The following SHROOM3 variants were observed in gnomAD, a reference collection of about 807,000 sequenced individuals.
SHROOM3 encodes the protein shroom family member 3.
A neutral mutation model predicts 138.6 loss-of-function variants in SHROOM3; 47 were observed. The observed-to-expected ratio is 0.34, with a 90% CI of 0.27 to 0.43. SHROOM3 has a LOEUF of 0.43. Ranked by LOEUF, SHROOM3 falls within the 20% of genes least tolerant of loss-of-function variation. SHROOM3 has a pLI of 1.00. For synonymous variants in SHROOM3, 1,062 were observed against 1,063.3 expected (o/e 1.00, Z 0.02); for missense variants, 2,491 against 2,596.5 (o/e 0.96, Z 0.88).
intron 2 of SHROOM3, among the ~76,000 whole-genome samples, chr4:76,596,273 G>A (rs1431516523): frequency 1.3e-5 from 2 of 152,172 alleles, no homozygotes; most frequent in African/African-American, 4.8e-5. Context: ...AGAGCCAGGT[G>A]TGGTGGCTTG....
At chr4:76,592,048 G>A (rs976666905) in intron 2 of SHROOM3, among the ~76,000 whole-genome samples, 1 of 152,136 alleles carries the variant, frequency 6.6e-6, no homozygotes, top group African/African-American at 2.4e-5. Context: ...GGCAGAGAGC[G>A]TATTGCAATT....
Position 76,528,608 on chromosome 4 carries a change from C to T in SHROOM3, c.169-27001C>T, listed in dbSNP as rs545771870. On this transcript the variant is annotated intron_variant, in intron 1 of 10. Coordinates refer to ENST00000296043, the MANE Select transcript of SHROOM3 (RefSeq NM_020859.4). The stretch of plus-strand genomic sequence containing the variant: ...TTGCCCAGGCTGGAGTGCAATGGCA[C>T]AATCCTGGCTCACTGCAACCTCTAC... 1.2e-4 allele frequency among the ~76,000 whole-genome samples: 16 copies of T among 137,892 alleles called. 1 individual carries two copies. The highest frequency in any genetic ancestry group is 3.3e-4 in the African/African-American group (12 of 35,988). 90.5% of individuals were successfully genotyped at this position (137,892 alleles called of 152,430 possible). A position where few individuals can be genotyped will look rare whatever the true frequency, so the allele number is the denominator to read the frequency against.
chr4:76,694,126 A>G (rs928451897), intron 2 of SHROOM3, among the ~76,000 whole-genome samples: 1 of 152,226 alleles, frequency 6.6e-6, no homozygotes, highest in African/African-American at 2.4e-5. Flanking sequence ...GAAAGATGTT[A>G]TATATTTTGC....
chr4:76,502,020 AG>A (rs1435601820), intron 1 of SHROOM3, among the ~76,000 whole-genome samples: 1 of 152,190 alleles, frequency 6.6e-6, no homozygotes, highest in African/African-American at 2.4e-5. Flanking sequence ...AGAGGTCTCG[AG>A]GGCTCTACCC....
At chr4:76,644,674 CAG>C (rs1735773376) in intron 2 of SHROOM3, among the ~76,000 whole-genome samples, 1 of 151,730 alleles carries the variant, frequency 6.6e-6, no homozygotes, top group South Asian at 2.1e-4. Flanking sequence ...ATAATCAAAT[CAG>C]GGTAATTAGC....
At chr4:76,728,586 G>A (rs1274223092) in intron 3 of SHROOM3, among the ~76,000 whole-genome samples, 1 of 152,188 alleles carries the variant, frequency 6.6e-6, no homozygotes, top group Non-Finnish European at 1.5e-5. Flanking sequence ...TACATGTGGG[G>A]ACAAGGAGGC....
In SHROOM3 at chr4:76,620,091, A is replaced by AAAAAG. The variant is rs749696462; in HGVS notation, c.323+64330_323+64331insAAGAA. Among the ~76,000 whole-genome samples, 1,283 of 135,012 alleles carry AAAAAG rather than the reference A, an allele frequency of 9.5e-3. 53 individuals carry two copies. The highest frequency in any genetic ancestry group is 0.034 in the African/African-American group (1,145 of 33,396). The allele number at this position is 135,012 out of a possible 152,430, so 88.6% of individuals were successfully genotyped here. ...ATCTCAAAAAAAAAAAAAAAAAAAA[A>AAAAAG]AAGAAGAAAAGAAAAAGAAACAATA... On this transcript the variant is annotated intron_variant, in intron 2 of 10. Transcript: ENST00000296043.
chr4:76,574,877 GAA>G (rs980821875), intron 2 of SHROOM3, among the ~76,000 whole-genome samples: 3 of 152,146 alleles, frequency 2.0e-5, no homozygotes, highest in Non-Finnish European at 2.9e-5. Context: ...TCTGCGAGAT[GAA>G]AAGAGTTCTG....
rs749861643 is a variant in SHROOM3, at chr4:76,740,429, C to T, written c.2256C>T (p.His752=). ...AGCCGCCTGCCCCCTCGCACCCGCA[C>T]ACATCCAGTCTGGGCCGGAGGGGGC... ...PEEPPAPSHP[H]TSSLGRRGPG... is the part of the protein sequence containing the mutation. Residue 752 remains histidine, a synonymous_variant, in exon 5 of 11, where the codon CAC becomes CAT. Transcript: ENST00000296043. The surrounding 1 kb of genome is among the most constrained non-coding windows in gnomAD (Gnocchi z 4.0). 6.2e-6 allele frequency: 10 copies of T among 1,612,776 alleles called. No homozygotes were observed. In the East Asian group the frequency reaches 2.0e-4, roughly 32 times the overall value.
At chr4:76,599,354 C>A (rs1236222279) in intron 2 of SHROOM3, among the ~76,000 whole-genome samples, 1 of 152,254 alleles carries the variant, frequency 6.6e-6, no homozygotes, top group Admixed American at 6.5e-5. Flanking sequence ...ACTGTAGGAT[C>A]TTTTGCGTTG....
intron 2 of SHROOM3, among the ~76,000 whole-genome samples, chr4:76,643,500 A>G (rs888051554): frequency 1.3e-5 from 2 of 152,158 alleles, no homozygotes; most frequent in African/African-American, 4.8e-5. Flanking sequence ...GGTTCATGGG[A>G]AGATTTAAGG....
chr4:76,540,556 A>C (rs1733076782), intron 1 of SHROOM3, among the ~76,000 whole-genome samples: 1 of 152,192 alleles, frequency 6.6e-6, no homozygotes, highest in South Asian at 2.1e-4. Context: ...AAGCGGAAGA[A>C]TATCTGGCCT....
intron 3 of SHROOM3, among the ~76,000 whole-genome samples, chr4:76,710,491 G>T (rs1720199816): frequency 6.6e-6 from 1 of 152,138 alleles, no homozygotes; most frequent in South Asian, 2.1e-4. Context: ...TACGCACAAG[G>T]TTCTAAAGAA....
At chr4:76,532,572 C>T (rs113452787) in intron 1 of SHROOM3, among the ~76,000 whole-genome samples, 2 of 117,846 alleles carry the variant, frequency 1.7e-5, no homozygotes, top group Non-Finnish European at 3.4e-5. Context: ...TCTGTTTGTG[C>T]CTTTCACCCA....
chr4:76,472,857 G>T (rs1165204291), intron 1 of SHROOM3, among the ~76,000 whole-genome samples: 1 of 152,124 alleles, frequency 6.6e-6, no homozygotes, highest in Non-Finnish European at 1.5e-5. Flanking sequence ...GCCATGTCCA[G>T]CTAATTTTTG....
At position 76,773,106 on chromosome 4, in the gene SHROOM3, G is replaced by C. The variant is rs575911530; in HGVS notation, c.5622+2208G>C. On this transcript the variant is annotated intron_variant, in intron 10 of 10. Coordinates refer to ENST00000296043, the MANE Select transcript of SHROOM3 (RefSeq NM_020859.4). ...AAATAGTGAGCTAAGGCTGGGTGCAGTGGCTCACACCTGTAATCCCAGCAC... is the reference window on the plus strand; with the variant it reads ...AAATAGTGAGCTAAGGCTGGGTGCACTGGCTCACACCTGTAATCCCAGCAC... Among the ~76,000 whole-genome samples the C allele has an allele frequency of 6.6e-5, 10 of 152,268 alleles. No individual in the cohort carries two copies. In the East Asian group the frequency reaches 9.7e-4, roughly 15 times the overall value.
intron 2 of SHROOM3, among the ~76,000 whole-genome samples, chr4:76,603,234 C>A (rs549197845): frequency 6.6e-6 from 1 of 152,096 alleles, no homozygotes. Flanking sequence ...CTGGCTAACA[C>A]GGTGAAGCCC....
In SHROOM3 at chr4:76,664,784, A is replaced by G. The variant is rs1038824137; in HGVS notation, c.324-45372A>G. Reference sequence around the variant, plus strand: ...GAGCTTGATAACTTTTTTATCCTGCAAAACTGAAACTCTATACACACTAAA... The same window carrying G: ...GAGCTTGATAACTTTTTTATCCTGCGAAACTGAAACTCTATACACACTAAA... On this transcript the variant is annotated intron_variant, in intron 2 of 10. Coordinates refer to ENST00000296043, the MANE Select transcript of SHROOM3 (RefSeq NM_020859.4). This position sits in a 1 kb window ranked among gnomAD's most constrained non-coding sequence, Gnocchi z 4.2. Among the ~76,000 whole-genome samples the G allele has an allele frequency of 6.6e-6, 1 of 152,170 alleles. No individual in the cohort carries two copies. Among genetic ancestry groups the G allele is most frequent in the African/African-American group, 2.4e-5 (1 of 41,448 alleles).
intron 6 of SHROOM3, among the ~76,000 whole-genome samples, chr4:76,749,934 AC>A (rs1221983607): frequency 4.6e-5 from 7 of 152,046 alleles, no homozygotes; most frequent in African/African-American, 1.7e-4. Context: ...ATACACCTAC[AC>A]CCTACCTACT....
Sources: gnomAD v4.1 joint callset for allele counts (sites outside exome capture counted in the v4.1 genomes callset) on GRCh38, gnomAD v4.1.1 for gene constraint, Gnocchi (gnomAD v3.1) non-coding constraint, MANE v1.5 for transcripts, NCBI Gene and HGNC (gene_info 2026-07-23, HGNC 2026-07-21) for gene names.